Variants in NFIB observed in about 807,000 individuals in gnomAD.
NFIB encodes the protein nuclear factor 1 B-type.
Under a neutral mutation model 61.5 loss-of-function variants are expected in NFIB, and 11 were observed. The ratio of observed to expected loss-of-function variants is 0.18; its 90% CI spans 0.11 to 0.30. The LOEUF (loss-of-function observed/expected upper bound fraction) is 0.30. Among genes scored for constraint, NFIB ranks in the 10% least tolerant of loss-of-function variants. NFIB has a pLI of 1.00. For synonymous variants in NFIB, 260 were observed against 216.5 expected (o/e 1.20, Z -1.76); for missense variants, 471 against 608.9 (o/e 0.77, Z 2.38).
At chr9:14,517,346 C>T in the NFIB span, among the ~76,000 whole-genome samples, 1 of 152,162 alleles carries the variant, frequency 6.6e-6, no homozygotes, top group Non-Finnish European at 1.5e-5. Context: ...CCAAGGCGTA[C>T]CTGCTTTCTG....
At chr9:14,437,526 C>T in the NFIB span, among the ~76,000 whole-genome samples, 1 of 152,194 alleles carries the variant, frequency 6.6e-6, no homozygotes, top group Non-Finnish European at 1.5e-5. Context: ...AGTAAGATGA[C>T]TGTTTACCAG....
chr9:14,419,176 T>G, the NFIB span, among the ~76,000 whole-genome samples: 1 of 150,598 alleles, frequency 6.6e-6, no homozygotes, highest in African/African-American at 2.4e-5. Context: ...CTTTGAAAGG[T>G]TTTAATTGCT....
chr9:14,516,229 C>G, the NFIB span, among the ~76,000 whole-genome samples: 1 of 152,170 alleles, frequency 6.6e-6, no homozygotes. Context: ...TAGCTAGCCA[C>G]CAGGAGGTGG....
At chr9:14,402,299 A>G (rs1203909206), upstream of NFIB, among the ~76,000 whole-genome samples, 5 of 152,336 alleles carry the variant, frequency 3.3e-5, no homozygotes, top group East Asian at 9.6e-4. Flanking sequence ...CTTTAAGGAG[A>G]AAATTATTAG....
rs148483543 is a variant in NFIB, at chr9:14,175,728, C to T, written c.616+3999G>A. Among the ~76,000 whole-genome samples, 124 of 152,242 alleles carry T rather than the reference C, an allele frequency of 8.1e-4. No individual in the cohort carries two copies. In the Middle Eastern group the frequency reaches 0.017, roughly 21 times the overall value. On this transcript the variant is annotated intron_variant, in intron 3 of 10. Coordinates refer to ENST00000380953, the MANE Select transcript of NFIB (RefSeq NM_001190737.2). Reference sequence around the variant, plus strand: ...CAAAAAGGAAAGTAGCATGTTAAGTCCATGTTATTCCCGGTAAGAAAGTTC... The same window carrying T: ...CAAAAAGGAAAGTAGCATGTTAAGTTCATGTTATTCCCGGTAAGAAAGTTC...
intron 1 of NFIB, among the ~76,000 whole-genome samples, chr9:14,344,079 A>T (rs1429614144): frequency 6.7e-6 from 1 of 148,692 alleles, no homozygotes; most frequent in Non-Finnish European, 1.5e-5. Context: ...TATGCTGAGG[A>T]CCTTTAAAGA....
chr9:14,110,704 G>C (rs1319280707), intron 10 of NFIB, among the ~76,000 whole-genome samples: 1 of 151,890 alleles, frequency 6.6e-6, no homozygotes, highest in African/African-American at 2.4e-5. Context: ...TTTATTCCTG[G>C]ATAGTAAACA....
chr9:14,462,302 A>T, the NFIB span, among the ~76,000 whole-genome samples: 319 of 146,928 alleles, frequency 2.2e-3, no homozygotes, highest in Non-Finnish European at 4.0e-3. Context: ...TTTTTTTTTC[A>T]GACAGAGTCT....
rs1004641596 is a variant in NFIB, at chr9:14,084,591, T to C, written c.*3718A>G. ...CACGCTTCAGAGGCACTGTGAGTGG[T>C]GGGTGGCAGGGCAGCACACAAAGGC... On this transcript the variant is annotated 3_prime_UTR_variant, in exon 11 of 11. Coordinates refer to ENST00000380953, the MANE Select transcript of NFIB (RefSeq NM_001190737.2). 2 of 228,628 alleles carry C rather than the reference T, an allele frequency of 8.7e-6. No homozygotes were observed. The highest frequency in any genetic ancestry group is 1.7e-5 in the Non-Finnish European group (2 of 114,962). 14.2% of individuals were successfully genotyped at this position (228,628 alleles called of 1,614,324 possible).
the NFIB span, among the ~76,000 whole-genome samples, chr9:14,421,726 A>G: frequency 6.6e-6 from 1 of 152,260 alleles, no homozygotes; most frequent in African/African-American, 2.4e-5. Context: ...AATTTGCATA[A>G]CAGCAAAGAT....
At chr9:14,167,812 A>G (rs1389908260) in intron 3 of NFIB, among the ~76,000 whole-genome samples, 1 of 152,194 alleles carries the variant, frequency 6.6e-6, no homozygotes. Context: ...TTCCTCATTC[A>G]TGGTCAAGTG....
chr9:14,168,115 G>A (rs185950487), intron 3 of NFIB, among the ~76,000 whole-genome samples: 4 of 152,284 alleles, frequency 2.6e-5, no homozygotes, highest in Admixed American at 6.5e-5. Context: ...TATCTCCGCA[G>A]AAGTACCCGC....
chr9:14,352,262 A>AT lies in NFIB; in HGVS notation c.109-44743dup, dbSNP rs59193389. On this transcript the variant is annotated intron_variant, in intron 1 of 8. Transcript: ENST00000380934. ...CTCCTGGAATTACACTGATTTTTTC[A>AT]TTTTTTTTTGGTGATGTATTTGTAT... Among the ~76,000 whole-genome samples, 514 of 150,854 alleles carry AT rather than the reference A, an allele frequency of 3.4e-3. 2 individuals are homozygous for AT. The highest frequency in any genetic ancestry group is 3.5e-3 in the Non-Finnish European group (240 of 67,636).
At chr9:14,169,441 A>G (rs572049713) in intron 3 of NFIB, among the ~76,000 whole-genome samples, 1 of 152,294 alleles carries the variant, frequency 6.6e-6, no homozygotes, top group South Asian at 2.1e-4. Flanking sequence ...AAAAGACCCC[A>G]AAAAGATTTG....
chr9:14,492,288 G>A, the NFIB span, among the ~76,000 whole-genome samples: 1 of 151,894 alleles, frequency 6.6e-6, no homozygotes, highest in East Asian at 1.9e-4. Flanking sequence ...GCATGAACCG[G>A]GGAGGCGGAG....
intron 2 of NFIB, among the ~76,000 whole-genome samples, chr9:14,240,996 TG>T (rs2054286346): frequency 6.6e-6 from 1 of 152,242 alleles, no homozygotes; most frequent in Admixed American, 6.5e-5. Context: ...GTCTTCATTT[TG>T]GTAATTCAGG....
intron 1 of NFIB, among the ~76,000 whole-genome samples, chr9:14,359,096 C>G (rs2061209275): frequency 6.6e-6 from 1 of 152,190 alleles, no homozygotes; most frequent in African/African-American, 2.4e-5. Flanking sequence ...AGCGTTTACA[C>G]TACAGAACTG....
At chr9:14,325,123 T>C (rs1564009728) in intron 1 of NFIB, among the ~76,000 whole-genome samples, 1 of 152,088 alleles carries the variant, frequency 6.6e-6, no homozygotes, top group Non-Finnish European at 1.5e-5. Context: ...TTGAAAGCCT[T>C]TCTAAGAATA....
chr9:14,438,964 A>T, the NFIB span, among the ~76,000 whole-genome samples: 1 of 152,026 alleles, frequency 6.6e-6, no homozygotes, highest in Non-Finnish European at 1.5e-5. Context: ...TTACCATCAC[A>T]TTAAGATTCT....
Sources: allele counts gnomAD v4.1 joint callset (sites outside exome capture counted in the v4.1 genomes callset), GRCh38; gene constraint gnomAD v4.1.1; transcripts MANE v1.5; gene names NCBI Gene and HGNC (gene_info 2026-07-23, HGNC 2026-07-21).